SNX13: variants seen among roughly 807,000 people sequenced by gnomAD.
SNX13 encodes sorting nexin-13.
SNX13 carries 45 observed loss-of-function variants against 133.6 expected under a neutral mutation model. The ratio of observed to expected loss-of-function variants is 0.34; its 90% confidence interval spans 0.27 to 0.43. The LOEUF (loss-of-function observed/expected upper bound fraction) is 0.43, where lower values mean the gene tolerates loss of function less well. Among genes scored for constraint, SNX13 ranks in the 20% least tolerant of loss-of-function variants. The probability of loss-of-function intolerance (pLI) is 1.00; values close to 1 mark genes in which losing one functional copy is unlikely to be tolerated. For synonymous variants in SNX13, 414 were observed against 373.9 expected (o/e 1.11, Z -1.24); for missense variants, 1,032 against 1,145.1 (o/e 0.90, Z 1.43).
At chr7:17,796,631 C>A (rs142286247) in intron 25 of SNX13, 196 bp downstream of exon 25, 1 of 507,220 alleles carries the variant, frequency 2.0e-6, no homozygotes, top group Non-Finnish European at 3.5e-6. Context: ...GTGATGTTAA[C>A]AGTCCTTAGC....
chr7:17,905,179 T>C (rs1798259877), intron 1 of SNX13, among the ~76,000 whole-genome samples: 2 of 152,220 alleles, frequency 1.3e-5, no homozygotes, highest in Non-Finnish European at 1.5e-5. Context: ...AAAAATTAAA[T>C]ATGAAACTAA....
intron 1 of SNX13, among the ~76,000 whole-genome samples, chr7:17,926,119 G>A (rs549673064): frequency 7.7e-6 from 1 of 130,622 alleles, no homozygotes; most frequent in East Asian, 2.1e-4. Context: ...GAAAGTTGGG[G>A]CACATCCATA....
chr7:17,824,987 C>G (rs984016205), intron 17 of SNX13, among the ~76,000 whole-genome samples: 9 of 152,214 alleles, frequency 5.9e-5, no homozygotes, highest in Admixed American at 2.6e-4. Context: ...CCAGTATGGT[C>G]TCAATATCTT....
chr7:17,924,160 GT>G (rs1423342049), intron 1 of SNX13, among the ~76,000 whole-genome samples: 2 of 152,108 alleles, frequency 1.3e-5, no homozygotes, highest in Admixed American at 1.3e-4. Context: ...AGAAAATCCT[GT>G]GCTTAAATGA....
At chr7:17,904,754 C>T (rs532371828) in intron 1 of SNX13, among the ~76,000 whole-genome samples, 7 of 152,244 alleles carry the variant, frequency 4.6e-5, no homozygotes, top group Non-Finnish European at 8.8e-5. Flanking sequence ...TATAGTTCAA[C>T]AATAAAAATA....
At chr7:17,886,734 T>C (rs1796037463) in intron 5 of SNX13, among the ~76,000 whole-genome samples, 1 of 152,208 alleles carries the variant, frequency 6.6e-6, no homozygotes, top group South Asian at 2.1e-4. Flanking sequence ...CCTTATCTTC[T>C]TTTTTAGAAA....
chr7:17,940,251 C>T, intron 1 of SNX13, 33 bp downstream of exon 1: 1 of 1,554,788 alleles, frequency 6.4e-7, no homozygotes, highest in South Asian at 1.2e-5. Flanking sequence ...TTCCCCATTT[C>T]ACAGGTAAAC....
At chr7:17,851,909 A>G (rs1791257464) in intron 9 of SNX13, among the ~76,000 whole-genome samples, 1 of 152,154 alleles carries the variant, frequency 6.6e-6, no homozygotes, top group Admixed American at 6.5e-5. Context: ...ACTTAAAACC[A>G]TGAACATGGA....
At chr7:17,827,480 TA>T (rs1788038068) in intron 16 of SNX13, among the ~76,000 whole-genome samples, 1 of 151,876 alleles carries the variant, frequency 6.6e-6, no homozygotes, top group African/African-American at 2.4e-5. Context: ...TCACTTAAAT[TA>T]AGGCAATTGC....
intron 15 of SNX13, chr7:17,832,520 T>C (rs1263827009): frequency 4.7e-5 from 46 of 975,700 alleles, no homozygotes; most frequent in East Asian, 1.1e-4. Flanking sequence ...TAGATAAAAT[T>C]AGTATAAACA....
At chr7:17,823,308 C>T (rs1428081511) in intron 17 of SNX13, among the ~76,000 whole-genome samples, 2 of 152,100 alleles carry the variant, frequency 1.3e-5, no homozygotes, top group African/African-American at 4.8e-5. Context: ...CCACACTAAC[C>T]AGAAGTCTAA....
chr7:17,919,449 TA>T (rs1799896669), intron 1 of SNX13, among the ~76,000 whole-genome samples: 1 of 152,220 alleles, frequency 6.6e-6, no homozygotes, highest in Non-Finnish European at 1.5e-5. Context: ...CAGAATTTCA[TA>T]CCATACAGTT....
At chr7:17,873,048 T>C (rs1794293413) in intron 8 of SNX13, among the ~76,000 whole-genome samples, 1 of 152,216 alleles carries the variant, frequency 6.6e-6, no homozygotes, top group Admixed American at 6.5e-5. Flanking sequence ...TAACCTGATT[T>C]AGATAACACT....
intron 1 of SNX13, among the ~76,000 whole-genome samples, chr7:17,930,221 C>A (rs948848519): frequency 3.9e-5 from 6 of 152,192 alleles, no homozygotes; most frequent in Admixed American, 3.3e-4. Flanking sequence ...CCTATGAGGT[C>A]AGTACCATTC....
chr7:17,829,715 C>T (rs1050266479), intron 16 of SNX13, among the ~76,000 whole-genome samples: 4 of 150,808 alleles, frequency 2.7e-5, no homozygotes, highest in Admixed American at 2.6e-4. Flanking sequence ...TTTAAACATG[C>T]TAAATATTAG....
At chr7:17,858,210 C>T (rs1792171205) in intron 9 of SNX13, among the ~76,000 whole-genome samples, 1 of 152,022 alleles carries the variant, frequency 6.6e-6, no homozygotes, top group Non-Finnish European at 1.5e-5. Flanking sequence ...AAAGAGTATC[C>T]TAATTGGAAA....
At chr7:17,874,257 CAAG>C (rs1223909287) in intron 7 of SNX13, among the ~76,000 whole-genome samples, 1 of 151,962 alleles carries the variant, frequency 6.6e-6, no homozygotes, top group East Asian at 1.9e-4. Flanking sequence ...TTAAAAAACT[CAAG>C]AGATGAACCG....
chr7:17,859,077 G>A (rs1380279683), intron 9 of SNX13, among the ~76,000 whole-genome samples: 2 of 152,002 alleles, frequency 1.3e-5, no homozygotes, highest in Non-Finnish European at 1.5e-5. Context: ...TACTAGCTGT[G>A]GAACCCAAAT....
chr7:17,823,027 T>C (rs967687653), intron 17 of SNX13, among the ~76,000 whole-genome samples: 6 of 152,336 alleles, frequency 3.9e-5, no homozygotes, highest in Admixed American at 3.3e-4. Flanking sequence ...TTTGTGACTC[T>C]AGGCTTTATG....
Sources: gnomAD v4.1 joint callset for allele counts (sites outside exome capture counted in the v4.1 genomes callset) on GRCh38, gnomAD v4.1.1 for gene constraint, MANE v1.5 for transcripts, NCBI Gene and HGNC (gene_info 2026-07-23, HGNC 2026-07-21) for gene names.